Variants in CDKL4 observed in about 807,000 individuals in gnomAD.
CDKL4 encodes cyclin dependent kinase like 4.
Under a neutral mutation model 42.0 loss-of-function variants are expected in CDKL4, and 44 were observed. That is an observed-to-expected ratio of 1.05 (90% CI 0.82 to 1.35). The LOEUF (loss-of-function observed/expected upper bound fraction) is 1.35, where lower values mean the gene tolerates loss of function less well. Ranked by LOEUF, CDKL4 falls within the 40% of genes most tolerant of loss-of-function variation. CDKL4 has a pLI of 0.00. For synonymous variants in CDKL4, 120 were observed against 121.6 expected, an observed-to-expected ratio of 0.99 and a Z score of 0.09; for missense variants, 393 against 369.9, an observed-to-expected ratio of 1.06 and a Z score of -0.51.
At chr2:39,228,702 T>G (rs570918856) in intron 2 of CDKL4, among the ~76,000 whole-genome samples, 75 of 152,250 alleles carry the variant, frequency 4.9e-4, no homozygotes, top group African/African-American at 1.8e-3. Flanking sequence ...ATTTGAGAAG[T>G]GCTGCCCCAG....
intron 3 of CDKL4, among the ~76,000 whole-genome samples, chr2:39,219,899 T>C (rs1164508251): frequency 6.6e-6 from 1 of 152,068 alleles, no homozygotes; most frequent in Admixed American, 6.5e-5. Flanking sequence ...AAAGCACAGG[T>C]TCAGAGCTTT....
At position 39,226,062 on chromosome 2, in the gene CDKL4, A is replaced by C. The variant is rs534402528; in HGVS notation, c.169-102T>G. The C allele has an allele frequency of 5.9e-6, 7 of 1,193,602 alleles. No individual in the cohort carries two copies. The African/African-American group carries it at 9.4e-5, about 16-fold the overall frequency. 73.9% of individuals were successfully genotyped at this position (1,193,602 alleles called of 1,614,324 possible). On this transcript the variant is annotated intron_variant, in intron 2 of 9. Transcript: ENST00000451199. ...TAAAGTTGGAAGAAATTTAAGATTC[A>C]TCCAATGTACCTATAATAAGTGGTA...
At chr2:39,196,936 G>A (rs991099767) in intron 5 of CDKL4, among the ~76,000 whole-genome samples, 2 of 152,062 alleles carry the variant, frequency 1.3e-5, no homozygotes, top group African/African-American at 2.4e-5. Context: ...ACTTCCAAAA[G>A]ATCACACTAA....
At chr2:39,232,555 C>T (rs1679136318) in intron 1 of CDKL4, among the ~76,000 whole-genome samples, 1 of 152,334 alleles carries the variant, frequency 6.6e-6, no homozygotes, top group South Asian at 2.1e-4. Context: ...ACATGCTCCA[C>T]GTTATGCCTA....
chr2:39,240,083 C>G (rs1385372493), intron 1 of CDKL4, among the ~76,000 whole-genome samples: 1 of 147,806 alleles, frequency 6.8e-6, no homozygotes, highest in Non-Finnish European at 1.5e-5. Flanking sequence ...GAGTGAGACT[C>G]TGTCTCAAAA....
At chr2:39,202,010 T>C (rs1676882799) in intron 5 of CDKL4, among the ~76,000 whole-genome samples, 1 of 152,152 alleles carries the variant, frequency 6.6e-6, no homozygotes, top group Admixed American at 6.5e-5. Context: ...GGCAGGCAGA[T>C]GACTTGAGCT....
intron 5 of CDKL4, among the ~76,000 whole-genome samples, chr2:39,192,110 T>G (rs1452800862): frequency 1.3e-5 from 2 of 152,192 alleles, no homozygotes; most frequent in African/African-American, 4.8e-5. Context: ...TAATGGAAAT[T>G]TGGAAATTGG....
intron 2 of CDKL4, among the ~76,000 whole-genome samples, chr2:39,228,992 C>T (rs1452308233): frequency 6.6e-6 from 1 of 152,044 alleles, no homozygotes; most frequent in East Asian, 1.9e-4. Context: ...GGCATTGGTG[C>T]GGTCCTGTGG....
In CDKL4 at chr2:39,213,477, G is replaced by C. The variant is rs774946926; in HGVS notation, c.291-5C>G. The C allele has an allele frequency of 6.2e-7, 1 of 1,602,176 alleles. No homozygotes were observed. The highest frequency in any genetic ancestry group is 8.5e-7 in the Non-Finnish European group (1 of 1,170,226). ...TTGATCACTCCATCAGCAACTCTGA[G>C]GGAAAAAATAAAAAAGGAAATGAAA... On this transcript the variant is annotated splice_region_variant and splice_polypyrimidine_tract_variant and intron_variant, in intron 3 of 9. Coordinates refer to ENST00000451199, the Ensembl canonical transcript of CDKL4.
At chr2:39,217,996 G>C (rs2148364024) in intron 3 of CDKL4, among the ~76,000 whole-genome samples, 1 of 152,082 alleles carries the variant, frequency 6.6e-6, no homozygotes, top group Non-Finnish European at 1.5e-5. Flanking sequence ...GCCTCCCAAA[G>C]TGTTGGGATT....
chr2:39,228,089 C>G (rs1678867555), intron 2 of CDKL4, among the ~76,000 whole-genome samples: 1 of 152,190 alleles, frequency 6.6e-6, no homozygotes, highest in African/African-American at 2.4e-5. Flanking sequence ...TACCTTACAG[C>G]CTCATTCTCC....
intron 5 of CDKL4, among the ~76,000 whole-genome samples, chr2:39,193,727 T>TA (rs1446098323): frequency 1.3e-5 from 2 of 151,864 alleles, no homozygotes; most frequent in Non-Finnish European, 1.5e-5. Context: ...ACTTGGAAAA[T>TA]ACAAAAAAGC....
At chr2:39,173,232 A>G (rs1675047516), downstream of CDKL4, among the ~76,000 whole-genome samples, 1 of 152,232 alleles carries the variant, frequency 6.6e-6, no homozygotes. Flanking sequence ...AGAGAGATAT[A>G]TATTTAAGAT....
chr2:39,229,742 G>A (rs377009303), intron 1 of CDKL4, among the ~76,000 whole-genome samples, 154 bp from the exon 2 acceptor site: 5 of 152,198 alleles, frequency 3.3e-5, no homozygotes, highest in Non-Finnish European at 7.3e-5. Context: ...TGTTAGTTTA[G>A]TTTAGTCCTC....
intron 7 of CDKL4, among the ~76,000 whole-genome samples, chr2:39,185,184 GTATATACATATA>G (rs1675664183): frequency 9.6e-6 from 1 of 104,232 alleles, no homozygotes; most frequent in Non-Finnish European, 1.8e-5. Context: ...ATACATATGT[GTATATACATATA>G]TATACACATA....
intron 3 of CDKL4, among the ~76,000 whole-genome samples, chr2:39,216,545 T>A (rs888686695): frequency 2.6e-5 from 4 of 152,146 alleles, no homozygotes; most frequent in African/African-American, 9.7e-5. Context: ...GCAACATACA[T>A]ACAGAGAGAG....
At chr2:39,209,281 T>C (rs1018869039) in intron 4 of CDKL4, among the ~76,000 whole-genome samples, 1 of 148,884 alleles carries the variant, frequency 6.7e-6, no homozygotes, top group Non-Finnish European at 1.5e-5. Context: ...CACTGCATTC[T>C]AGCCTGGGAA....
At chr2:39,175,099 T>C (rs975198810), downstream of CDKL4, among the ~76,000 whole-genome samples, 6 of 152,194 alleles carry the variant, frequency 3.9e-5, no homozygotes, top group Admixed American at 2.0e-4. Flanking sequence ...TTCCTGCTCT[T>C]GTGTTTACAA....
intron 8 of CDKL4, among the ~76,000 whole-genome samples, chr2:39,180,803 G>A (rs886731288): frequency 1.3e-5 from 2 of 149,756 alleles, no homozygotes; most frequent in East Asian, 3.9e-4. Flanking sequence ...CGATTCTCAT[G>A]CCTCAGCCTC....
Sources: gnomAD v4.1 joint callset for allele counts (sites outside exome capture counted in the v4.1 genomes callset) on GRCh38, gnomAD v4.1.1 for gene constraint, MANE v1.5 for transcripts, NCBI Gene and HGNC (gene_info 2026-07-23, HGNC 2026-07-21) for gene names.